Variants in DHRSX observed in about 807,000 individuals in gnomAD.
The protein encoded by DHRSX is dehydrogenase/reductase X-linked.
In DHRSX, 31 loss-of-function variants were observed where a neutral mutation model predicts 34.0. That is an observed-to-expected ratio of 0.91 (90% confidence interval 0.69 to 1.23). DHRSX has a LOEUF of 1.23. DHRSX is among the 50% of genes most tolerant of loss of function. DHRSX has a pLI of 0.00. For synonymous variants in DHRSX, 201 were observed against 183.8 expected (o/e 1.09, Z -0.76); for missense variants, 414 against 428.1 (o/e 0.97, Z 0.29).
intron 3 of DHRSX, among the ~76,000 whole-genome samples, chrX:2,370,497 A>G (rs949464128): frequency 4.6e-5 from 7 of 151,652 alleles, no homozygotes; most frequent in Admixed American, 1.3e-4. Context: ...ACGGAGACAC[A>G]ATCAGTCCAT....
At chrX:2,485,554 G>A (rs1043224326) in intron 1 of DHRSX, among the ~76,000 whole-genome samples, 2 of 138,452 alleles carry the variant, frequency 1.4e-5, no homozygotes, top group East Asian at 4.3e-4. Context: ...AAGGGAGGGA[G>A]GGACAGAGGG....
intron 1 of DHRSX, among the ~76,000 whole-genome samples, chrX:2,469,859 G>C (rs1292120731): frequency 1.3e-5 from 2 of 152,178 alleles, no homozygotes; most frequent in Non-Finnish European, 2.9e-5. Flanking sequence ...CAAAACATCA[G>C]AGGAAAGAAT....
chrX:2,457,043 C>A lies in DHRSX; in HGVS notation c.110-31739G>T, dbSNP rs770223654. 2.0e-5 allele frequency among the ~76,000 whole-genome samples: 3 copies of A among 152,064 alleles called. No homozygotes were observed. In the East Asian group the frequency reaches 5.8e-4, roughly 29 times the overall value. Reference sequence around the variant, plus strand: ...CAGGCTGGCTGTGTCTCTCACTGTGCCTGGGATGGGTGGTGACAGATGAGT... The same window carrying A: ...CAGGCTGGCTGTGTCTCTCACTGTGACTGGGATGGGTGGTGACAGATGAGT... On this transcript the variant is annotated intron_variant, in intron 1 of 6. Coordinates refer to ENST00000334651, the MANE Select transcript of DHRSX (RefSeq NM_145177.3).
intron 3 of DHRSX, among the ~76,000 whole-genome samples, chrX:2,300,049 C>A (rs1355230093): frequency 6.6e-6 from 1 of 152,078 alleles, no homozygotes; most frequent in Non-Finnish European, 1.5e-5. Context: ...GGAGTTCTGG[C>A]AAATCGCCTG....
intron 5 of DHRSX, among the ~76,000 whole-genome samples, chrX:2,265,859 C>T (rs1212974214): frequency 7.1e-6 from 1 of 140,964 alleles, no homozygotes; most frequent in African/African-American, 2.7e-5. Flanking sequence ...ACAGGGAGCA[C>T]CGTCCCCAGA....
intron 5 of DHRSX, among the ~76,000 whole-genome samples, chrX:2,247,180 C>A (rs758942729): frequency 3.0e-4 from 46 of 152,130 alleles, no homozygotes; most frequent in African/African-American, 1.1e-3. Context: ...AACTTCTGAC[C>A]CCAAGTGATC....
chrX:2,490,486 G>A (rs1462592049), intron 1 of DHRSX: 12 of 1,613,872 alleles, frequency 7.4e-6, no homozygotes, highest in Admixed American at 1.7e-5. Flanking sequence ...TGCTCTTGAC[G>A]AACTCGCAGA....
At chrX:2,478,406 T>A (rs781488134) in intron 1 of DHRSX, among the ~76,000 whole-genome samples, 9 of 152,120 alleles carry the variant, frequency 5.9e-5, no homozygotes, top group Non-Finnish European at 1.3e-4. Context: ...TTCTGGCCAA[T>A]GGACTGTCAC....
At chrX:2,259,961 C>T (rs1228298915) in intron 5 of DHRSX, among the ~76,000 whole-genome samples, 6 of 152,090 alleles carry the variant, frequency 3.9e-5, no homozygotes, top group South Asian at 4.1e-4. Flanking sequence ...TTCTGGGCTT[C>T]GGGATGTGGA....
intron 3 of DHRSX, among the ~76,000 whole-genome samples, chrX:2,340,624 G>A (rs1418713198): frequency 2.6e-5 from 4 of 152,044 alleles, no homozygotes; most frequent in South Asian, 2.1e-4. Context: ...AACGTCAGGC[G>A]ACTGGACTCC....
rs1250946403 is a variant in DHRSX at position 2,341,422 on chromosome X, C to G, written c.287-49819G>C. On this transcript the variant is annotated intron_variant, in intron 3 of 6. Transcript: ENST00000334651. Reference sequence around the variant, plus strand: ...CTGCCTCTCCCAGCTCCTGGGGGCTCCAGGCATCCCTGGGCTTATGGCCGC... The same window carrying G: ...CTGCCTCTCCCAGCTCCTGGGGGCTGCAGGCATCCCTGGGCTTATGGCCGC... Among the ~76,000 whole-genome samples, 8 of 152,096 alleles carry G rather than the reference C, an allele frequency of 5.3e-5. No homozygotes were observed. In the East Asian group the frequency reaches 1.5e-3, roughly 29 times the overall value.
At chrX:2,267,169 C>G (rs1384419241) in intron 4 of DHRSX, among the ~76,000 whole-genome samples, 1 of 152,202 alleles carries the variant, frequency 6.6e-6, no homozygotes, top group African/African-American at 2.4e-5. Context: ...CTCTGCACCT[C>G]TGTGCCTTGA....
intron 3 of DHRSX, among the ~76,000 whole-genome samples, chrX:2,405,359 G>A (rs2043539545): frequency 6.6e-6 from 1 of 151,832 alleles, no homozygotes; most frequent in African/African-American, 2.4e-5. Context: ...TGGTGGGTGG[G>A]CGCCTGTAAT....
intron 5 of DHRSX, among the ~76,000 whole-genome samples, chrX:2,244,900 C>T (rs1293051106): frequency 2.6e-5 from 4 of 151,670 alleles, no homozygotes; most frequent in African/African-American, 7.3e-5. Flanking sequence ...TTAGTAGAGA[C>T]GAGGTTTCAC....
chrX:2,458,947 C>G (rs1290810541), intron 1 of DHRSX, among the ~76,000 whole-genome samples: 1 of 151,896 alleles, frequency 6.6e-6, no homozygotes, highest in Non-Finnish European at 1.5e-5. Flanking sequence ...CAAGACCAGC[C>G]TGAGCAACAT....
At position 2,266,856 on chromosome X, in the gene DHRSX, G is replaced by A. The variant is rs143245543; in HGVS notation, c.480C>T (p.Asn160=). 1 of 1,613,838 alleles carries A rather than the reference G, an allele frequency of 6.2e-7. No homozygotes were observed. Among genetic ancestry groups the A allele is most frequent in the Admixed American group, 1.7e-5 (1 of 60,000 alleles). The change falls in exon 5 of 7, where the codon AAC becomes AAT. Residue 160 remains asparagine, a synonymous_variant. Transcript: ENST00000334651. ...LNYLGHFLLT[N]LLLDTLKESG... ...ACTCTTTCAGCGTATCCAAGAGAAG[G>A]TTGGTCAGCAGGAAGTGCCCTAGGT...
chrX:2,403,788 G>A (rs1198839937), intron 3 of DHRSX, among the ~76,000 whole-genome samples: 9 of 148,688 alleles, frequency 6.1e-5, no homozygotes, highest in Admixed American at 2.0e-4. Flanking sequence ...CCCGGGAGGC[G>A]GAGGTTGCAG....
intron 3 of DHRSX, among the ~76,000 whole-genome samples, chrX:2,395,751 G>A (rs2124626095): frequency 6.6e-6 from 1 of 152,242 alleles, no homozygotes; most frequent in East Asian, 1.9e-4. Context: ...TCCCTGATGA[G>A]CCAGGGGGGT....
intron 4 of DHRSX, among the ~76,000 whole-genome samples, chrX:2,275,447 T>A (rs1371289183): frequency 6.6e-6 from 1 of 151,554 alleles, no homozygotes; most frequent in Non-Finnish European, 1.5e-5. Context: ...AGGCAGAGGT[T>A]GCAGTGAGCT....
Sources: allele counts gnomAD v4.1 joint callset (sites outside exome capture counted in the v4.1 genomes callset), GRCh38; gene constraint gnomAD v4.1.1; transcripts MANE v1.5; gene names NCBI Gene and HGNC (gene_info 2026-07-23, HGNC 2026-07-21).